The following QPCT variants were observed in gnomAD, a reference collection of about 807,000 sequenced individuals.
QPCT encodes glutaminyl-peptide cyclotransferase, also known as EC.
Under a neutral mutation model 43.4 loss-of-function variants are expected in QPCT, and 44 were observed. The ratio of observed to expected loss-of-function variants is 1.01; its 90% CI spans 0.80 to 1.30. The LOEUF (loss-of-function observed/expected upper bound fraction) is 1.30. Ranked by LOEUF, QPCT falls within the 50% of genes most tolerant of loss-of-function variation. The pLI is 0.00. For missense variants in QPCT, 526 were observed against 436.5 expected (o/e 1.21, Z -1.83); for synonymous variants, 168 against 168.4 (o/e 1.00, Z 0.02).
chr2:37,355,764 A>G (rs1672728818), intron 2 of QPCT, among the ~76,000 whole-genome samples: 1 of 152,196 alleles, frequency 6.6e-6, no homozygotes, highest in African/African-American at 2.4e-5. Context: ...AGATAGAAAT[A>G]AAAAAATTAA....
chr2:37,359,453 C>T lies in QPCT; in HGVS notation c.268-127C>T, dbSNP rs1286726181. On this transcript the variant is annotated intron_variant, in intron 2 of 6. Transcript: ENST00000338415. ...GCAATTATTAATTGCAATAATATTGCTATGAATTCATTAAGTGTGTATTCC... is the reference window on the plus strand; with the variant it reads ...GCAATTATTAATTGCAATAATATTGTTATGAATTCATTAAGTGTGTATTCC... 3.7e-6 allele frequency: 3 copies of T among 809,604 alleles called. No homozygotes were observed. The African/African-American group carries it at 5.2e-5, about 14-fold the overall frequency. 50.2% of individuals were successfully genotyped at this position (809,604 alleles called of 1,614,324 possible).
intron 3 of QPCT, among the ~76,000 whole-genome samples, chr2:37,362,964 G>C (rs560011510): frequency 5.0e-4 from 76 of 152,202 alleles, no homozygotes; most frequent in Non-Finnish European, 9.9e-4. Flanking sequence ...AATTGAACCA[G>C]GGAGGTTATG....
chr2:37,352,164 A>G (rs1672635714), intron 1 of QPCT, among the ~76,000 whole-genome samples: 3 of 152,200 alleles, frequency 2.0e-5, no homozygotes, highest in Admixed American at 2.0e-4. Flanking sequence ...AAAAATTACC[A>G]TTTCAACATG....
rs556958610 is a variant in QPCT at position 37,350,328 on chromosome 2, C to T, written c.121-2461C>T. 5.3e-5 allele frequency among the ~76,000 whole-genome samples: 8 copies of T among 152,310 alleles called. No homozygotes were observed. The South Asian group carries it at 1.7e-3, about 32-fold the overall frequency. On this transcript the variant is annotated intron_variant, in intron 1 of 6. Transcript: ENST00000338415. ...ACCATGGAAGTCTTCTGACCTCTTG[C>T]CTCCATATTCTTCTTATCCCTTCGC...
In QPCT at chr2:37,369,486, A is replaced by G. The variant is rs1469638849; in HGVS notation, c.724-199A>G. Reference sequence around the variant, plus strand: ...ATAATCAATATTTTGCTATTTGTCCACATTACATAAGCAAGATTTAAAGAG... The same window carrying G: ...ATAATCAATATTTTGCTATTTGTCCGCATTACATAAGCAAGATTTAAAGAG... On this transcript the variant is annotated intron_variant, in intron 4 of 6. Transcript: ENST00000338415. 2.6e-5 allele frequency among the ~76,000 whole-genome samples: 4 copies of G among 152,364 alleles called. No homozygotes were observed. The East Asian group carries it at 7.7e-4, about 29-fold the overall frequency.
intron 3 of QPCT, among the ~76,000 whole-genome samples, chr2:37,364,196 T>G (rs1323092196): frequency 6.6e-6 from 1 of 152,206 alleles, no homozygotes; most frequent in Non-Finnish European, 1.5e-5. Context: ...CAATTTTCAC[T>G]CCCATGTACT....
At chr2:37,368,439 C>T (rs895458217) in intron 4 of QPCT, 20 of 347,322 alleles carry the variant, frequency 5.8e-5, no homozygotes, top group South Asian at 1.7e-4. Context: ...TCACTAGCCC[C>T]GGTGCCTTCA....
chr2:37,367,293 C>CTT lies in QPCT; in HGVS notation c.611_612dup (p.Leu205PhefsTer16), dbSNP rs866218932. 5.0e-5 allele frequency: 81 copies of CTT among 1,613,846 alleles called. No individual in the cohort carries two copies. The highest frequency in any genetic ancestry group is 6.6e-5 in the Non-Finnish European group (78 of 1,179,894). On this transcript the variant is annotated frameshift_variant, in exon 4 of 7. Transcript: ENST00000338415. LOFTEE classifies it high-confidence loss of function. Reference sequence around the variant, plus strand: ...CTGATCTTCTTTGATGGTGAAGAGGCTTTTCTTCACTGGTCTCCTCAAGAT... The same window carrying CTT: ...CTGATCTTCTTTGATGGTGAAGAGGCTTTTTTCTTCACTGGTCTCCTCAAGAT...
intron 5 of QPCT, 147 bp downstream of exon 5, chr2:37,369,931 C>A: frequency 1.4e-6 from 1 of 690,394 alleles, no homozygotes; most frequent in Non-Finnish European, 2.5e-6. Context: ...GCAGGCAGAT[C>A]AGCTAGGGTC....
At position 37,368,816 on chromosome 2, in the gene QPCT, A is replaced by G. The variant is rs73924618; in HGVS notation, c.724-869A>G. 2.8e-3 allele frequency among the ~76,000 whole-genome samples: 422 copies of G among 152,330 alleles called. 2 individuals carry two copies. The highest frequency in any genetic ancestry group is 9.5e-3 in the African/African-American group (396 of 41,572). On this transcript the variant is annotated intron_variant, in intron 4 of 6. Coordinates refer to ENST00000338415, the MANE Select transcript of QPCT (RefSeq NM_012413.4). ...CAGTGATTCATATATTTGGACTGAT[A>G]AATAAATTTGTTGAATGAAGATCAT...
At chr2:37,350,551 C>G (rs2124932048) in intron 1 of QPCT, among the ~76,000 whole-genome samples, 1 of 152,294 alleles carries the variant, frequency 6.6e-6, no homozygotes, top group East Asian at 1.9e-4. Context: ...CACCAATATT[C>G]AGGAATAAAC....
rs185531471 is a variant in QPCT at position 37,358,442 on chromosome 2, A to T, written c.268-1138A>T. ...ACTGAGTGAAGCCCTGTTAAACAAC[A>T]AAACAAAACAAAACAAAACAAACAA... On this transcript the variant is annotated intron_variant, in intron 2 of 6. Coordinates refer to ENST00000338415, the MANE Select transcript of QPCT (RefSeq NM_012413.4). 8.2e-4 allele frequency among the ~76,000 whole-genome samples: 125 copies of T among 151,998 alleles called. 3 individuals carry two copies. In the East Asian group the frequency reaches 0.021, roughly 26 times the overall value.
rs1196222561 is a variant in QPCT at position 37,344,814 on chromosome 2, G to T, written c.83G>T (p.Gly28Val). Residue 28 changes from glycine (G) to valine (V), a missense_variant, in exon 1 of 7, where the codon GGG (glycine) becomes GTG (valine). Physicochemically the swap from Gly to Val is moderately radical, Grantham distance 109. Transcript: ENST00000338415. The stretch of plus-strand genomic sequence containing the variant: ...GCCGCCCTGCCCTGGGCATCCAGGG[G>T]GGTCAGTCCGAGTGCCTCAGCCTGG... ...LVAALPWASR[G>V]VSPSASAWPE... 9 of 1,607,756 alleles carry T rather than the reference G, an allele frequency of 5.6e-6. No individual in the cohort carries two copies. Among genetic ancestry groups the T allele is most frequent in the Admixed American group, 1.7e-5 (1 of 59,384 alleles).
intron 3 of QPCT, among the ~76,000 whole-genome samples, chr2:37,363,941 G>C (rs1033537274): frequency 6.6e-6 from 1 of 151,812 alleles, no homozygotes; most frequent in East Asian, 1.9e-4. Flanking sequence ...TTTTAGAAGA[G>C]GAATGACAAA....
At chr2:37,349,301 A>G (rs987694983) in intron 1 of QPCT, among the ~76,000 whole-genome samples, 4 of 152,222 alleles carry the variant, frequency 2.6e-5, no homozygotes, top group Non-Finnish European at 4.4e-5. Context: ...TAGATTCATA[A>G]GCATCAATAG....
rs772148069 is a variant in QPCT at position 37,359,869 on chromosome 2, T to A, written c.546+11T>A. On this transcript the variant is annotated intron_variant, in intron 3 of 6. Coordinates refer to ENST00000338415, the MANE Select transcript of QPCT (RefSeq NM_012413.4). Reference sequence around the variant, plus strand: ...CTCCTTTCCTTAAAGGTATCTGTTTTCTGCTTATTGATTCCTAGGATAAAG... The same window carrying A: ...CTCCTTTCCTTAAAGGTATCTGTTTACTGCTTATTGATTCCTAGGATAAAG... The A allele has an allele frequency of 1.9e-6, 3 of 1,611,492 alleles. No individual in the cohort carries two copies. The Admixed American group carries it at 5.0e-5, about 27-fold the overall frequency.
At chr2:37,366,977 G>T in intron 3 of QPCT, 1 of 397,550 alleles carries the variant, frequency 2.5e-6, no homozygotes. Context: ...ATTCTGTGAG[G>T]AGTAAGAAAA....
At position 37,359,836 on chromosome 2, in the gene QPCT, A is replaced by T; in HGVS notation, c.524A>T (p.Asp175Val). ...AMMLELARAL[D>V]KKLLSLKTVS... is the part of the protein sequence containing the mutation. ...ATGTTGGAACTTGCTCGTGCCTTAGACAAGAAACTCCTTTCCTTAAAGGTA... is the reference window on the plus strand; with the variant it reads ...ATGTTGGAACTTGCTCGTGCCTTAGTCAAGAAACTCCTTTCCTTAAAGGTA... Residue 175 changes from aspartate (D) to valine (V), a missense_variant, in exon 3 of 7, where the codon GAC becomes GTC. Physicochemically the swap from Asp to Val is radical, Grantham distance 152 (BLOSUM62 -3). Coordinates refer to ENST00000338415, the MANE Select transcript of QPCT (RefSeq NM_012413.4). The T allele has an allele frequency of 1.2e-6, 2 of 1,614,196 alleles. No homozygotes were observed. The highest frequency in any genetic ancestry group is 1.7e-6 in the Non-Finnish European group (2 of 1,180,010).
intron 2 of QPCT, among the ~76,000 whole-genome samples, chr2:37,359,280 G>A (rs1672813461): frequency 6.6e-6 from 1 of 152,200 alleles, no homozygotes; most frequent in African/African-American, 2.4e-5. Context: ...GAGAAGATAT[G>A]TCGAAAGATC....
Sources: gnomAD v4.1 joint callset for allele counts (sites outside exome capture counted in the v4.1 genomes callset) on GRCh38, gnomAD v4.1.1 for gene constraint, MANE v1.5 for transcripts, NCBI Gene and HGNC (gene_info 2026-07-23, HGNC 2026-07-21) for gene names.